The following PSMA5 variants were observed in gnomAD, a reference collection of about 807,000 sequenced individuals.
PSMA5 encodes the protein proteasome 20S subunit alpha 5.
Under a neutral mutation model 34.5 loss-of-function variants are expected in PSMA5, and 3 were observed. That is an observed-to-expected ratio of 0.09 (90% CI 0.04 to 0.22). The LOEUF is 0.22. Ranked by LOEUF, PSMA5 falls within the 10% of genes least tolerant of loss-of-function variation. The pLI is 1.00. For synonymous variants in PSMA5, 88 were observed against 95.8 expected (o/e 0.92, Z 0.47); for missense variants, 120 against 286.1 (o/e 0.42, Z 4.19).
chr1:109,407,528 T>C (rs919777139), intron 8 of PSMA5, among the ~76,000 whole-genome samples: 1 of 152,172 alleles, frequency 6.6e-6, no homozygotes, highest in African/African-American at 2.4e-5. Context: ...TCCCCTACCA[T>C]GGATTAATCC....
chr1:109,401,872 C>A lies in PSMA5; in HGVS notation c.*141G>T. ...AAATATTTTAAAATTTTCTTTATTT[C>A]AGAACTGCCTTTATGTACAGACATC... is the stretch of plus-strand genomic sequence containing the variant. On this transcript the variant is annotated 3_prime_UTR_variant, in exon 9 of 9. Transcript: ENST00000271308. 11 of 511,052 alleles carry A rather than the reference C, an allele frequency of 2.2e-5. No homozygotes were observed. Among genetic ancestry groups the A allele is most frequent in the East Asian group, 1.0e-4 (3 of 28,704 alleles). The allele number at this position is 511,052 out of a possible 1,614,324, so 31.7% of individuals were successfully genotyped here.
intron 2 of PSMA5, among the ~76,000 whole-genome samples, chr1:109,420,360 T>C (rs1435587600): frequency 6.6e-6 from 1 of 152,030 alleles, no homozygotes; most frequent in East Asian, 1.9e-4. Flanking sequence ...GAAAAGTCCA[T>C]GGATAATGCC....
rs1316826572 is a variant in PSMA5, at chr1:109,400,018, T to C, written c.*1995A>G. 6.6e-6 allele frequency: 1 copy of C among 152,202 alleles called. No individual in the cohort carries two copies. The highest frequency in any genetic ancestry group is 2.4e-5 in the African/African-American group (1 of 41,452). 9.4% of individuals were successfully genotyped at this position (152,202 alleles called of 1,614,324 possible). ...GCTGTTCGTAGTAAGATCACTTCTT[T>C]AACCTAAGAAAGCTTGTTTTAATAT... On this transcript the variant is annotated 3_prime_UTR_variant, in exon 9 of 9. Coordinates refer to ENST00000271308, the MANE Select transcript of PSMA5 (RefSeq NM_002790.4).
chr1:109,408,691 T>A (rs181284550), intron 8 of PSMA5, among the ~76,000 whole-genome samples: 1 of 151,850 alleles, frequency 6.6e-6, no homozygotes, highest in Admixed American at 6.6e-5. Context: ...TTTATTTCTT[T>A]CAGCTTTTTT....
chr1:109,410,903 T>C, intron 7 of PSMA5, 108 bp downstream of exon 7: 1 of 792,874 alleles, frequency 1.3e-6, no homozygotes, highest in Non-Finnish European at 2.1e-6. Context: ...ATTTATCTTG[T>C]TTTGCAATTG....
Position 109,426,282 on chromosome 1 carries a change from C to T in PSMA5, c.29+20G>A, listed in dbSNP as rs1304217108. On this transcript the variant is annotated intron_variant, in intron 1 of 8. Coordinates refer to ENST00000271308, the MANE Select transcript of PSMA5 (RefSeq NM_002790.4). ...CTGCCCACCCATAATTCCCACCCGACGTCCCCCAGCTGCACGGACCTGTCG... is the reference window on the plus strand; with the variant it reads ...CTGCCCACCCATAATTCCCACCCGATGTCCCCCAGCTGCACGGACCTGTCG... 1 of 1,613,694 alleles carries T rather than the reference C, an allele frequency of 6.2e-7. No individual in the cohort carries two copies. Among genetic ancestry groups the T allele is most frequent in the Admixed American group, 1.7e-5 (1 of 60,022 alleles).
chr1:109,415,192 T>A, intron 3 of PSMA5, 45 bp downstream of exon 3: 1 of 1,583,370 alleles, frequency 6.3e-7, no homozygotes, highest in Non-Finnish European at 8.6e-7. Context: ...GAGGACTAAT[T>A]AACCCAGACC....
intron 8 of PSMA5, 62 bp downstream of exon 8, chr1:109,409,866 T>C (rs923878132): frequency 3.3e-6 from 4 of 1,214,676 alleles, no homozygotes; most frequent in African/African-American, 3.1e-5. Context: ...CTAGGCAATA[T>C]AGCCAGACCT....
At position 109,412,189 on chromosome 1, in the gene PSMA5, A is replaced by G. The variant is rs779467943; in HGVS notation, c.292-5T>C. On this transcript the variant is annotated splice_region_variant and splice_polypyrimidine_tract_variant and intron_variant, in intron 4 of 8. Coordinates refer to ENST00000271308, the MANE Select transcript of PSMA5 (RefSeq NM_002790.4). Reference sequence around the variant, plus strand: ...ATTGTAGGTGAACCAGTGGTTCTAGAAGAAGAGCAAAGCATGGTACAACCT... The same window carrying G: ...ATTGTAGGTGAACCAGTGGTTCTAGGAGAAGAGCAAAGCATGGTACAACCT... The G allele has an allele frequency of 1.2e-6, 2 of 1,605,566 alleles. No homozygotes were observed. Among genetic ancestry groups the G allele is most frequent in the Admixed American group, 1.7e-5 (1 of 59,998 alleles).
intron 8 of PSMA5, among the ~76,000 whole-genome samples, chr1:109,402,635 T>C (rs1557837539): frequency 2.0e-5 from 3 of 152,220 alleles, no homozygotes; most frequent in African/African-American, 7.2e-5. Context: ...CAAATAATCA[T>C]TAACTATTGT....
At chr1:109,415,651 GA>G (rs1382495332) in intron 2 of PSMA5, among the ~76,000 whole-genome samples, 9 of 151,688 alleles carry the variant, frequency 5.9e-5, no homozygotes, top group Admixed American at 3.9e-4. Context: ...GTAATTCCCA[GA>G]ACCCCAAAAG....
Position 109,401,989 on chromosome 1 carries a change from A to T in PSMA5, c.*24T>A, listed in dbSNP as rs1249422369. On this transcript the variant is annotated 3_prime_UTR_variant, in exon 9 of 9. Transcript: ENST00000271308. ...ATTATTAGAACTGAAATTGTCCCAG[A>T]GAAGTTCTGAGGATCAGGATTCCTT... The T allele has an allele frequency of 2.6e-6, 4 of 1,543,780 alleles. No individual in the cohort carries two copies. The highest frequency in any genetic ancestry group is 3.6e-6 in the Non-Finnish European group (4 of 1,121,022).
chr1:109,409,726 C>A (rs537789658), intron 8 of PSMA5, among the ~76,000 whole-genome samples: 1 of 152,006 alleles, frequency 6.6e-6, no homozygotes, highest in African/African-American at 2.4e-5. Context: ...CCAGTCTGGG[C>A]AACACAGCAA....
chr1:109,412,046 TAA>T, intron 5 of PSMA5, 29 bp downstream of exon 5: 2 of 1,601,404 alleles, frequency 1.2e-6, no homozygotes, highest in Non-Finnish European at 1.7e-6. Context: ...CATAGAACAA[TAA>T]GAAAACTCGA....
chr1:109,414,942 A>G (rs750067687), intron 3 of PSMA5: 185 of 277,618 alleles, frequency 6.7e-4, no homozygotes, highest in Non-Finnish European at 1.1e-3. Flanking sequence ...AGGCAAGTCT[A>G]TATTATTCTT....
At chr1:109,405,874 G>T (rs1213741896) in intron 8 of PSMA5, among the ~76,000 whole-genome samples, 1 of 152,132 alleles carries the variant, frequency 6.6e-6, no homozygotes, top group Non-Finnish European at 1.5e-5. Context: ...AAATATACAA[G>T]GTAGGGGAAA....
At chr1:109,405,657 C>A (rs941463866) in intron 8 of PSMA5, among the ~76,000 whole-genome samples, 7 of 152,122 alleles carry the variant, frequency 4.6e-5, no homozygotes, top group Non-Finnish European at 1.0e-4. Flanking sequence ...CCTGGCTGGT[C>A]TTGAACTCCT....
At chr1:109,415,473 A>C in intron 2 of PSMA5, 110 bp from the exon 3 acceptor site, 2 of 1,184,346 alleles carry the variant, frequency 1.7e-6, no homozygotes, top group Non-Finnish European at 1.1e-6. Context: ...AACTGGCCAC[A>C]TCTTATAGGC....
Position 109,415,450 on chromosome 1 carries a change from T to G in PSMA5, c.97-87A>C. 2.2e-6 allele frequency: 3 copies of G among 1,392,828 alleles called. No homozygotes were observed. In the South Asian group the frequency reaches 5.1e-5, roughly 23 times the overall value. 86.3% of individuals were successfully genotyped at this position (1,392,828 alleles called of 1,614,324 possible). On this transcript the variant is annotated intron_variant, in intron 2 of 8. Transcript: ENST00000271308. Reference sequence around the variant, plus strand: ...AGATAGCTCTCTGTAAATCTTCACATGATAGAAACTTCAACTGGCCACATC... The same window carrying G: ...AGATAGCTCTCTGTAAATCTTCACAGGATAGAAACTTCAACTGGCCACATC...
Sources: gnomAD v4.1 joint callset for allele counts (sites outside exome capture counted in the v4.1 genomes callset) on GRCh38, gnomAD v4.1.1 for gene constraint, MANE v1.5 for transcripts, NCBI Gene and HGNC (gene_info 2026-07-23, HGNC 2026-07-21) for gene names.